The following CRY1 variants were observed in gnomAD, a reference collection of about 807,000 sequenced individuals.
The protein encoded by CRY1 is cryptochrome-1.
A neutral mutation model predicts 76.0 loss-of-function variants in CRY1; 45 were observed. That is an observed-to-expected ratio of 0.59 (90% CI 0.47 to 0.76). The LOEUF (loss-of-function observed/expected upper bound fraction) is 0.76, where lower values mean the gene tolerates loss of function less well. Among genes scored for constraint, CRY1 ranks in the 30% least tolerant of loss-of-function variants. The pLI, the probability that CRY1 is intolerant of heterozygous loss-of-function variation, is 0.00. For missense variants in CRY1, 587 were observed against 716.4 expected, an observed-to-expected ratio of 0.82 and a Z score of 2.06; for synonymous variants, 248 against 244.0, an observed-to-expected ratio of 1.02 and a Z score of -0.15.
chr12:107,000,993 T>C (rs976195208), intron 5 of CRY1, among the ~76,000 whole-genome samples: 1 of 152,138 alleles, frequency 6.6e-6, no homozygotes, highest in Non-Finnish European at 1.5e-5. Flanking sequence ...AATATAATTC[T>C]ATTCTAGTTT....
chr12:106,999,525 C>T, intron 7 of CRY1, 26 bp downstream of exon 7: 1 of 1,551,304 alleles, frequency 6.4e-7, no homozygotes, highest in Non-Finnish European at 8.7e-7. Context: ...CAAAATAAGG[C>T]ATGCTATATC....
intron 7 of CRY1, among the ~76,000 whole-genome samples, chr12:106,998,628 AC>A (rs1952260135): frequency 1.3e-5 from 2 of 151,162 alleles, no homozygotes; most frequent in African/African-American, 4.9e-5. Context: ...GTCTTTGTAT[AC>A]AACGGTGTAC....
chr12:107,013,693 G>A (rs929693246), intron 2 of CRY1, among the ~76,000 whole-genome samples: 5 of 152,088 alleles, frequency 3.3e-5, no homozygotes, highest in South Asian at 4.1e-4. Context: ...ACTAGGCCAC[G>A]TGTGGCTTCT....
Position 107,001,341 on chromosome 12 carries a change from G to A in CRY1, c.623C>T (p.Ala208Val), listed in dbSNP as rs1952308389. ...LGFDTDGLSS[A>V]VWPGGETEAL... is the part of the protein sequence containing the mutation. The stretch of plus-strand genomic sequence containing the variant: ...TTCAGTTTCTCCACCTGGCCACACT[G>A]CAGAGGATAAGCCATCTGTATCAAA... Residue 208 changes from alanine to valine, a missense_variant, in exon 5 of 13, where the codon GCA becomes GTA. Coordinates refer to ENST00000008527, the MANE Select transcript of CRY1 (RefSeq NM_004075.5). 2 of 1,613,348 alleles carry A rather than the reference G, an allele frequency of 1.2e-6. No individual in the cohort carries two copies. Among genetic ancestry groups the A allele is most frequent in the Non-Finnish European group, 1.7e-6 (2 of 1,179,664 alleles).
At chr12:106,997,421 T>A (rs763973509) in intron 9 of CRY1, 35 bp from the exon 10 acceptor site, 1 of 1,612,046 alleles carries the variant, frequency 6.2e-7, no homozygotes, top group South Asian at 1.1e-5. Flanking sequence ...TAAATTATGA[T>A]CAAGATAAAA....
chr12:107,069,613 A>AAAGTATATATATAAAGTATATATAT (rs1565842756), intron 1 of CRY1, among the ~76,000 whole-genome samples: 4 of 75,306 alleles, frequency 5.3e-5, no homozygotes, highest in African/African-American at 1.3e-4. Context: ...TATATATATA[A>AAAGTATATATATAAAGTATATATAT]AAAGTATATA....
intron 1 of CRY1, among the ~76,000 whole-genome samples, chr12:107,053,251 A>G (rs1011635805): frequency 6.6e-6 from 1 of 152,242 alleles, no homozygotes; most frequent in Non-Finnish European, 1.5e-5. Flanking sequence ...TGAAGTACAG[A>G]GAACCAAAGA....
chr12:107,035,565 G>A (rs1952724886), intron 1 of CRY1, among the ~76,000 whole-genome samples: 1 of 152,102 alleles, frequency 6.6e-6, no homozygotes, highest in Non-Finnish European at 1.5e-5. Flanking sequence ...TTTCAAATGA[G>A]GAAACTGAAA....
At chr12:107,006,097 T>C (rs1952371120) in intron 2 of CRY1, among the ~76,000 whole-genome samples, 1 of 152,164 alleles carries the variant, frequency 6.6e-6, no homozygotes. Flanking sequence ...AAAAAATTGC[T>C]ATTCTAGGCG....
intron 2 of CRY1, among the ~76,000 whole-genome samples, chr12:107,014,183 T>C (rs1235735822): frequency 6.6e-6 from 1 of 152,240 alleles, no homozygotes; most frequent in Non-Finnish European, 1.5e-5. Context: ...AGGTGTTTCA[T>C]ACCAATAACC....
At chr12:107,017,475 CT>C (rs1952509192) in intron 2 of CRY1, among the ~76,000 whole-genome samples, 1 of 152,196 alleles carries the variant, frequency 6.6e-6, no homozygotes, top group Admixed American at 6.5e-5. Context: ...GGCAGCTTGG[CT>C]GGGGCTGGAG....
intron 1 of CRY1, among the ~76,000 whole-genome samples, chr12:107,037,911 G>A (rs7968193): frequency 0.011 from 1,703 of 152,132 alleles, 43 homozygotes; most frequent in African/African-American, 0.039. Flanking sequence ...GTCTCACTAT[G>A]TTGCCAAGGC....
chr12:107,033,454 T>G (rs1367342710), intron 1 of CRY1, among the ~76,000 whole-genome samples: 1 of 152,132 alleles, frequency 6.6e-6, no homozygotes, highest in African/African-American at 2.4e-5. Context: ...AAAGACAGTA[T>G]AAAAGAAAAT....
intron 1 of CRY1, among the ~76,000 whole-genome samples, chr12:107,062,652 C>A (rs960116082): frequency 6.6e-6 from 1 of 152,136 alleles, no homozygotes; most frequent in Non-Finnish European, 1.5e-5. Flanking sequence ...AGTACAAATA[C>A]CTCATTTCTA....
intron 1 of CRY1, among the ~76,000 whole-genome samples, chr12:107,033,501 C>G (rs1054325374): frequency 2.6e-5 from 4 of 152,124 alleles, no homozygotes; most frequent in Non-Finnish European, 5.9e-5. Context: ...ATTATCACAG[C>G]AAACCAAATC....
At chr12:107,086,437 G>A (rs12319045) in intron 1 of CRY1, among the ~76,000 whole-genome samples, 1,676 of 152,316 alleles carry the variant, frequency 0.011, 34 homozygotes, top group African/African-American at 0.038. Context: ...AGACAATGGG[G>A]AAAAGCCCCC....
intron 2 of CRY1, among the ~76,000 whole-genome samples, chr12:107,020,657 G>C (rs1201052910): frequency 6.6e-6 from 1 of 151,658 alleles, no homozygotes; most frequent in East Asian, 1.9e-4. Flanking sequence ...TAAGTTTCCT[G>C]AGGCCTTCCC....
intron 1 of CRY1, among the ~76,000 whole-genome samples, chr12:107,090,832 T>C (rs2136905656): frequency 1.3e-5 from 2 of 152,294 alleles, no homozygotes; most frequent in South Asian, 4.1e-4. Flanking sequence ...TCCATTTGAA[T>C]GTGTAAAATA....
chr12:107,070,158 C>T (rs756823157), intron 1 of CRY1, among the ~76,000 whole-genome samples: 7 of 152,186 alleles, frequency 4.6e-5, no homozygotes, highest in African/African-American at 1.7e-4. Context: ...AAATACTTAA[C>T]ACAGAGTCAT....
Sources: gnomAD v4.1 joint callset for allele counts (sites outside exome capture counted in the v4.1 genomes callset) on GRCh38, gnomAD v4.1.1 for gene constraint, MANE v1.5 for transcripts, NCBI Gene and HGNC (gene_info 2026-07-23, HGNC 2026-07-21) for gene names.